Variants in WDR49 observed in about 807,000 individuals in gnomAD.
The protein encoded by WDR49 is WD repeat domain 49.
WDR49 carries 107 observed loss-of-function variants against 119.5 expected under a neutral mutation model. The observed-to-expected ratio is 0.90, with a 90% CI of 0.77 to 1.05. The LOEUF is 1.05. WDR49 is among the 50% of genes least tolerant of loss of function. The pLI is 0.00. For missense variants in WDR49, 1,240 were observed against 1,220.5 expected (o/e 1.02, Z -0.24); for synonymous variants, 425 against 418.8 (o/e 1.01, Z -0.18).
intron 10 of WDR49, among the ~76,000 whole-genome samples, chr3:167,537,355 A>G (rs968787072): frequency 3.3e-5 from 5 of 152,156 alleles, no homozygotes; most frequent in African/African-American, 9.7e-5. Context: ...AATAACAATT[A>G]AAAGAGGGGG....
chr3:167,653,212 C>T (rs1718470165), intron 2 of WDR49, 49 bp downstream of exon 2: 1 of 1,523,220 alleles, frequency 6.6e-7, no homozygotes, highest in Admixed American at 2.0e-5. Flanking sequence ...TCATTCTAGG[C>T]TCCTTCATGA....
At chr3:167,580,372 C>T (rs1438869245) in intron 7 of WDR49, among the ~76,000 whole-genome samples, 2 of 152,066 alleles carry the variant, frequency 1.3e-5, no homozygotes, top group East Asian at 1.9e-4. Context: ...CTTAATTTTC[C>T]CTGCCAGTGG....
rs1289208459 is a variant in WDR49 at position 167,621,652 on chromosome 3, G to A, written c.607-9C>T. ...GTAAAAGCCACTGCTATCTAAAGTAGCAGAGTAGAAAATCAGAAAGTAATT... is the reference window on the plus strand; with the variant it reads ...GTAAAAGCCACTGCTATCTAAAGTAACAGAGTAGAAAATCAGAAAGTAATT... On this transcript the variant is annotated splice_polypyrimidine_tract_variant and intron_variant, in intron 3 of 18. Transcript: ENST00000682715. 2.0e-6 allele frequency: 3 copies of A among 1,518,292 alleles called. No individual in the cohort carries two copies. Among genetic ancestry groups the A allele is most frequent in the East Asian group, 4.9e-5 (2 of 40,654 alleles). The allele number at this position is 1,518,292 out of a possible 1,614,324, so 94.1% of individuals were successfully genotyped here.
intron 8 of WDR49, among the ~76,000 whole-genome samples, chr3:167,561,589 T>TGGAGTGGGGGATTGGGTTAG: frequency 6.6e-6 from 1 of 152,252 alleles, no homozygotes; most frequent in Non-Finnish European, 1.5e-5. Flanking sequence ...ATCCACTTGC[T>TGGAGTGGGGGATTGGGTTAG]GGAGTGGGGG....
chr3:167,557,824 A>G (rs1052810026), intron 9 of WDR49, among the ~76,000 whole-genome samples: 6 of 152,308 alleles, frequency 3.9e-5, no homozygotes, highest in South Asian at 4.1e-4. Flanking sequence ...TGAAATGCTC[A>G]GAATAGTGCC....
rs75162467 is a variant in WDR49, at chr3:167,564,994, T to C, written c.1510-4766A>G. Among the ~76,000 whole-genome samples, 18 of 151,162 alleles carry C rather than the reference T, an allele frequency of 1.2e-4. No individual in the cohort carries two copies. In the East Asian group the frequency reaches 2.7e-3, roughly 23 times the overall value. On this transcript the variant is annotated intron_variant, in intron 8 of 18. Coordinates refer to ENST00000682715, the MANE Select transcript of WDR49 (RefSeq NM_001366157.1). The stretch of plus-strand genomic sequence containing the variant: ...TACTTGATTCCATTGCTGTTTATAA[T>C]TTTTTTTTGTTAGTGTTGTTTATGG...
In WDR49 at chr3:167,498,802, T is replaced by C. The variant is rs1438869305; in HGVS notation, c.3031+1351A>G. 3.9e-5 allele frequency among the ~76,000 whole-genome samples: 6 copies of C among 152,092 alleles called. No homozygotes were observed. The East Asian group carries it at 1.2e-3, about 29-fold the overall frequency. On this transcript the variant is annotated intron_variant, in intron 18 of 18. Transcript: ENST00000682715. ...GGGGGTTCAATACAGTTGCATTTCT[T>C]TAGGAAGAACCCTCCTCAGTCAGAT...
chr3:167,586,483 GA>G (rs1278712506), intron 7 of WDR49, among the ~76,000 whole-genome samples: 1 of 152,192 alleles, frequency 6.6e-6, no homozygotes, highest in Admixed American at 6.5e-5. Context: ...CATTTTTGGA[GA>G]AAATTTTGTA....
chr3:167,617,830 C>T (rs1198054697), intron 5 of WDR49, among the ~76,000 whole-genome samples: 2 of 152,144 alleles, frequency 1.3e-5, no homozygotes, highest in Non-Finnish European at 2.9e-5. Context: ...TTTATCATTT[C>T]CATTTTCTAA....
At chr3:167,569,476 G>A (rs1191652406) in intron 8 of WDR49, among the ~76,000 whole-genome samples, 1 of 151,866 alleles carries the variant, frequency 6.6e-6, no homozygotes, top group Non-Finnish European at 1.5e-5. Flanking sequence ...TCTGGGCAAT[G>A]TATCTGTATT....
chr3:167,549,809 G>C (rs1048945382), intron 10 of WDR49, among the ~76,000 whole-genome samples: 1 of 152,126 alleles, frequency 6.6e-6, no homozygotes, highest in Non-Finnish European at 1.5e-5. Context: ...TTTTCTTCCA[G>C]GATGTTTACG....
At chr3:167,505,809 C>T (rs1012267576) in intron 16 of WDR49, among the ~76,000 whole-genome samples, 4 of 152,092 alleles carry the variant, frequency 2.6e-5, no homozygotes, top group Admixed American at 6.6e-5. Context: ...CAGTGTTAGG[C>T]GTGTATCTTT....
chr3:167,499,000 C>T (rs1350237985), intron 18 of WDR49, among the ~76,000 whole-genome samples: 1 of 152,054 alleles, frequency 6.6e-6, no homozygotes, highest in Non-Finnish European at 1.5e-5. Context: ...CCCAAAAGAG[C>T]CCTAAAGTTA....
In WDR49 at chr3:167,582,031, CGTGT is replaced by C. The variant is rs57233824; in HGVS notation, c.1276-5884_1276-5881del. 0.011 allele frequency among the ~76,000 whole-genome samples: 1,569 copies of C among 142,366 alleles called. 53 individuals are homozygous for C. The East Asian group carries it at 0.14, about 13-fold the overall frequency. The allele number at this position is 142,366 out of a possible 152,430, so 93.4% of individuals were successfully genotyped here. A position where few individuals can be genotyped will look rare whatever the true frequency, so the allele number is the denominator to read the frequency against. On this transcript the variant is annotated intron_variant, in intron 7 of 18. Transcript: ENST00000682715. ...AAAAGGGAGAGTGTGGGCATGCTTC[CGTGT>C]GTGTGTGTGTGTGTGTGTGTGTGTG... is the stretch of plus-strand genomic sequence containing the variant.
intron 14 of WDR49, 76 bp from the exon 15 acceptor site, chr3:167,528,093 A>G: frequency 7.7e-7 from 1 of 1,304,940 alleles, no homozygotes; most frequent in Non-Finnish European, 1.1e-6. Flanking sequence ...CTTTTAAAAA[A>G]AGGCCGATTT....
At chr3:167,574,594 G>T (rs949646305) in intron 8 of WDR49, among the ~76,000 whole-genome samples, 12 of 152,082 alleles carry the variant, frequency 7.9e-5, no homozygotes, top group Admixed American at 5.9e-4. Flanking sequence ...TATGTACATT[G>T]TCCTTTGGTT....
Position 167,479,458 on chromosome 3 carries a change from A to G in WDR49, c.3032-462T>C, listed in dbSNP as rs373202602. 9.8e-5 allele frequency among the ~76,000 whole-genome samples: 15 copies of G among 152,300 alleles called. 1 individual carries two copies. Among genetic ancestry groups the G allele is most frequent in the Admixed American group, 9.2e-4 (14 of 15,298 alleles). ...GCAGTTTTAGGAAAAAAAAGAACCA[A>G]ATTATTTCCATGAGTGGTTATATTG... On this transcript the variant is annotated intron_variant, in intron 18 of 18. Coordinates refer to ENST00000682715, the MANE Select transcript of WDR49 (RefSeq NM_001366157.1).
chr3:167,623,400 A>G (rs1716960538), intron 3 of WDR49, among the ~76,000 whole-genome samples: 1 of 152,130 alleles, frequency 6.6e-6, no homozygotes, highest in African/African-American at 2.4e-5. Context: ...AAATCAATCA[A>G]TGTAATACTT....
At chr3:167,482,602 C>T (rs1750759842) in intron 18 of WDR49, among the ~76,000 whole-genome samples, 1 of 151,078 alleles carries the variant, frequency 6.6e-6, no homozygotes, top group African/African-American at 2.4e-5. Context: ...TGGCGTGAAC[C>T]CGGGAGGCAG....
Sources: gnomAD v4.1 joint callset for allele counts (sites outside exome capture counted in the v4.1 genomes callset) on GRCh38, gnomAD v4.1.1 for gene constraint, MANE v1.5 for transcripts, NCBI Gene and HGNC (gene_info 2026-07-23, HGNC 2026-07-21) for gene names.